The following EFCAB12 variants were observed in gnomAD, a reference collection of about 807,000 sequenced individuals.
The protein encoded by EFCAB12 is EF-hand calcium binding domain 12.
In EFCAB12, 43 loss-of-function variants were observed where a neutral mutation model predicts 53.6. The observed-to-expected ratio is 0.80, with a 90% CI of 0.63 to 1.03. The LOEUF (loss-of-function observed/expected upper bound fraction) is 1.03. EFCAB12 is among the 50% of genes least tolerant of loss of function. The pLI, the probability that EFCAB12 is intolerant of heterozygous loss-of-function variation, is 0.00. For synonymous variants in EFCAB12, 269 were observed against 289.2 expected, an observed-to-expected ratio of 0.93 and a Z score of 0.71; for missense variants, 646 against 730.6, an observed-to-expected ratio of 0.88 and a Z score of 1.34.
rs1553720183 is a variant in EFCAB12 at position 129,426,370 on chromosome 3, T to TTG, written c.49+2069_49+2070insCA. Among the ~76,000 whole-genome samples, 42 of 138,968 alleles carry TTG rather than the reference T, an allele frequency of 3.0e-4. No individual in the cohort carries two copies. In the East Asian group the frequency reaches 4.0e-3, roughly 13 times the overall value. The allele number at this position is 138,968 out of a possible 152,430, so 91.2% of individuals were successfully genotyped here. ...CAGGGTTTTTTTTTGTTTTTTTTTT[T>TTG]TTTTTTTTTTTTGAGACGGACTCTT... On this transcript the variant is annotated intron_variant, in intron 1 of 8. Coordinates refer to ENST00000505956, the MANE Select transcript of EFCAB12 (RefSeq NM_207307.3).
rs1180349115 is a variant in EFCAB12, at chr3:129,408,618, C to T, written c.1249+27G>A. 8 of 1,552,266 alleles carry T rather than the reference C, an allele frequency of 5.2e-6. No individual in the cohort carries two copies. In the Admixed American group the frequency reaches 1.6e-4, roughly 30 times the overall value. ...AGCTCTGGGGTTCCCTTGGCATCTT[C>T]CTAGGGCCAGCTACCGAGGCCCTTA... On this transcript the variant is annotated intron_variant, in intron 6 of 8. Coordinates refer to ENST00000505956, the MANE Select transcript of EFCAB12 (RefSeq NM_207307.3).
At position 129,411,180 on chromosome 3, in the gene EFCAB12, C is replaced by T. The variant is rs80141922; in HGVS notation, c.1013G>A (p.Arg338His). 2,434 of 1,603,946 alleles carry T rather than the reference C, an allele frequency of 1.5e-3. 24 individuals carry two copies. In the African/African-American group the frequency reaches 0.029, roughly 19 times the overall value. ...TACCTTGTGCTGTCGCTGCCGCTCG[C>T]GGTACCGCTTGCCCACTTCCTCCAT... The part of the protein sequence containing the change: ...EEMEEVGKRY[R>H]ERQRQHKLTI... The change falls in exon 5 of 9, where the codon CGC becomes CAC. Residue 338 changes from arginine (R) to histidine (H), a missense_variant. Physicochemically the swap from Arg to His is conservative, Grantham distance 29. Transcript: ENST00000505956.
Position 129,428,469 on chromosome 3 carries a change from G to A in EFCAB12, c.20C>T (p.Ala7Val). The A allele has an allele frequency of 6.2e-7, 1 of 1,611,328 alleles. No homozygotes were observed. Among genetic ancestry groups the A allele is most frequent in the Non-Finnish European group, 8.5e-7 (1 of 1,178,780 alleles). Residue 7 changes from alanine to valine, a missense_variant, in exon 1 of 9, where the codon GCG becomes GTG. Physicochemically the swap from Ala to Val is moderately conservative, Grantham distance 64. Transcript: ENST00000505956. Reference sequence around the variant, plus strand: ...CAGCGACAAGAACAGACTGTGGTACGCTTCATAGTCGTCGTCCATGGTCGT... The same window carrying A: ...CAGCGACAAGAACAGACTGTGGTACACTTCATAGTCGTCGTCCATGGTCGT... MDDDYE[A>V]YHSLFLSLLG... is the part of the protein sequence containing the mutation.
chr3:129,422,018 T>C (rs1469512131), intron 1 of EFCAB12, among the ~76,000 whole-genome samples: 3 of 152,218 alleles, frequency 2.0e-5, no homozygotes, highest in African/African-American at 7.2e-5. Context: ...ATATGCTTTC[T>C]CTTATTTCAT....
chr3:129,406,244 A>G (rs989985852), intron 6 of EFCAB12, among the ~76,000 whole-genome samples: 5 of 152,166 alleles, frequency 3.3e-5, no homozygotes, highest in Non-Finnish European at 5.9e-5. Context: ...AGGAAGGAAG[A>G]AGGAGGGATG....
Position 129,421,691 on chromosome 3 carries a change from C to G in EFCAB12, c.162G>C (p.Gln54His). 1.2e-6 allele frequency: 2 copies of G among 1,613,822 alleles called. No individual in the cohort carries two copies. Among genetic ancestry groups the G allele is most frequent in the South Asian group, 2.2e-5 (2 of 91,064 alleles). ...GCACCATGATGATTCGCCGGCGGGT[C>G]TGAGGCAGGCGGAAGTCCTTCTGCT... ...QFQQKDFRLP[Q>H]TRRRIIMVPR... The change falls in exon 2 of 9, where the codon CAG (glutamine) becomes CAC (histidine). Residue 54 changes from glutamine (Q) to histidine (H), a missense_variant. Coordinates refer to ENST00000505956, the MANE Select transcript of EFCAB12 (RefSeq NM_207307.3).
chr3:129,411,125 A>C, intron 5 of EFCAB12, 33 bp downstream of exon 5: 1 of 1,544,446 alleles, frequency 6.5e-7, no homozygotes, highest in East Asian at 2.4e-5. Flanking sequence ...TCCAGTCCCC[A>C]AGCCGCATGC....
intron 6 of EFCAB12, among the ~76,000 whole-genome samples, chr3:129,405,193 T>C (rs1164653988): frequency 6.6e-6 from 1 of 152,200 alleles, no homozygotes; most frequent in Admixed American, 6.5e-5. Flanking sequence ...TTTTCTCAGA[T>C]GTGCTGAATA....
intron 1 of EFCAB12, among the ~76,000 whole-genome samples, chr3:129,426,374 T>TG (rs2072272738): frequency 6.9e-6 from 1 of 145,402 alleles, no homozygotes; most frequent in Admixed American, 6.8e-5. Flanking sequence ...TTTTTTTTTT[T>TG]TTTTTTTTGA....
rs2107745128 is a variant in EFCAB12, at chr3:129,428,558, G to C, written c.-70C>G. 3.2e-6 allele frequency: 5 copies of C among 1,543,828 alleles called. No individual in the cohort carries two copies. The South Asian group carries it at 4.7e-5, about 15-fold the overall frequency. On this transcript the variant is annotated 5_prime_UTR_variant, in exon 1 of 9. Coordinates refer to ENST00000505956, the MANE Select transcript of EFCAB12 (RefSeq NM_207307.3). ...GTGTCGATGTGGGCTTGCTTGCGTA[G>C]GGGTACCGGGGTATCAGATAAACCG...
chr3:129,408,837 ACTG>A lies in EFCAB12; in HGVS notation c.1054_1056del (p.Gln352del), dbSNP rs1327277206. ...CGCACCAGGTGACATTGCTCCGTGTACTGGATGGAGGGGATCGTGAGCTGCGAA... is the reference window on the plus strand; with the variant it reads ...CGCACCAGGTGACATTGCTCCGTGTAGATGGAGGGGATCGTGAGCTGCGAA... On this transcript the variant is annotated inframe_deletion, in exon 6 of 9. Transcript: ENST00000505956. 3 of 1,572,788 alleles carry A rather than the reference ACTG, an allele frequency of 1.9e-6. No individual in the cohort carries two copies. In the Admixed American group the frequency reaches 5.6e-5, roughly 29 times the overall value.
chr3:129,405,322 G>A (rs190027972), intron 6 of EFCAB12, among the ~76,000 whole-genome samples: 3 of 152,166 alleles, frequency 2.0e-5, no homozygotes, highest in African/African-American at 7.2e-5. Context: ...ACGCTCCAGC[G>A]AGTTAATGTT....
At position 129,421,797 on chromosome 3, in the gene EFCAB12, C is replaced by G; in HGVS notation, c.56G>C (p.Cys19Ser). The change falls in exon 2 of 9, where the codon TGC (cysteine) becomes TCC (serine). Residue 19 changes from cysteine (C) to serine (S), a missense_variant. Transcript: ENST00000505956. ...TTCATTGATGGGAGTCTTAGACGGGCAGAGTCCTTGGGGTAAGAGAGTTAA... is the reference window on the plus strand; with the variant it reads ...TTCATTGATGGGAGTCTTAGACGGGGAGAGTCCTTGGGGTAAGAGAGTTAA... ...HSLFLSLLGLCPSKTPINENA... is the reference protein window; with the variant it reads ...HSLFLSLLGLSPSKTPINENA... The G allele has an allele frequency of 6.2e-7, 1 of 1,611,070 alleles. No individual in the cohort carries two copies.
intron 1 of EFCAB12, among the ~76,000 whole-genome samples, chr3:129,426,521 C>T (rs1281898398): frequency 2.2e-4 from 33 of 150,432 alleles, no homozygotes; most frequent in African/African-American, 3.9e-4. Context: ...TCTGCCACCA[C>T]GACCGGCTAA....
At chr3:129,417,341 C>CAAAAAAAAAAAAAAAAAAAAAA in intron 3 of EFCAB12, among the ~76,000 whole-genome samples, 1 of 63,668 alleles carries the variant, frequency 1.6e-5, no homozygotes, top group African/African-American at 4.1e-5. Context: ...AAAAAAAAAC[C>CAAAAAAAAAAAAAAAAAAAAAA]AAAAAAAAAA....
At chr3:129,416,302 C>T (rs545774429) in intron 3 of EFCAB12, among the ~76,000 whole-genome samples, 1 of 152,134 alleles carries the variant, frequency 6.6e-6, no homozygotes, top group African/African-American at 2.4e-5. Flanking sequence ...CCTGTAATCC[C>T]AGCACCCAGG....
At chr3:129,418,538 G>C (rs1312903476) in intron 2 of EFCAB12, 90 bp from the exon 3 acceptor site, 2 of 1,226,744 alleles carry the variant, frequency 1.6e-6, no homozygotes, top group Non-Finnish European at 2.2e-6. Context: ...ACTAAGGAGA[G>C]GACGAGCAGC....
chr3:129,405,527 A>C (rs1469046137), intron 6 of EFCAB12, among the ~76,000 whole-genome samples: 4 of 149,282 alleles, frequency 2.7e-5, no homozygotes, highest in Admixed American at 6.7e-5. Context: ...AAATATTCAC[A>C]ACAGCCAACT....
intron 5 of EFCAB12, among the ~76,000 whole-genome samples, chr3:129,409,371 A>C (rs2072000510): frequency 6.6e-6 from 1 of 152,246 alleles, no homozygotes; most frequent in Non-Finnish European, 1.5e-5. Context: ...TGAGTCCGGG[A>C]AGTTGAGGCT....
Sources: gnomAD v4.1 joint callset for allele counts (sites outside exome capture counted in the v4.1 genomes callset) on GRCh38, gnomAD v4.1.1 for gene constraint, MANE v1.5 for transcripts, NCBI Gene and HGNC (gene_info 2026-07-23, HGNC 2026-07-21) for gene names.